Variants in SLC24A2 observed in about 807,000 individuals in gnomAD.
SLC24A2 encodes solute carrier family 24 member 2, also known as sodium/potassium/calcium exchanger 2.
In SLC24A2, 36 loss-of-function variants were observed where a neutral mutation model predicts 62.0. That is an observed-to-expected ratio of 0.58 (90% confidence interval 0.44 to 0.77). SLC24A2 has a LOEUF of 0.77. Ranked by LOEUF, SLC24A2 falls within the 30% of genes least tolerant of loss-of-function variation. The pLI, the probability that SLC24A2 is intolerant of heterozygous loss-of-function variation, is 0.00. For missense variants in SLC24A2, 846 were observed against 817.9 expected, an observed-to-expected ratio of 1.03 and a Z score of -0.42; for synonymous variants, 358 against 294.0, an observed-to-expected ratio of 1.22 and a Z score of -2.23.
chr9:19,957,323 C>A, the SLC24A2 span: 1 of 152,098 alleles, frequency 6.6e-6, no homozygotes. Context: ...AAAGGAGTAG[C>A]GAGCAAAACA....
At chr9:20,188,307 T>G in the SLC24A2 span, among the ~76,000 whole-genome samples, 3 of 152,158 alleles carry the variant, frequency 2.0e-5, no homozygotes, top group African/African-American at 7.2e-5. Context: ...TTAGCTCACT[T>G]TCTGAGGAGT....
the SLC24A2 span, among the ~76,000 whole-genome samples, chr9:19,833,882 C>T: frequency 6.6e-6 from 1 of 152,202 alleles, no homozygotes; most frequent in African/African-American, 2.4e-5. Context: ...ACAAAACTTC[C>T]AGAGGAACAA....
chr9:20,222,537 T>C, the SLC24A2 span, among the ~76,000 whole-genome samples: 2 of 152,040 alleles, frequency 1.3e-5, no homozygotes, highest in African/African-American at 4.8e-5. Context: ...ATCACATTGA[T>C]TCAAAACTAG....
In SLC24A2 at chr9:19,508,084, T is replaced by C. The variant is rs1832569598; in HGVS notation, c.*8069A>G. The C allele has an allele frequency of 6.6e-6, 1 of 152,256 alleles. No individual in the cohort carries two copies. The highest frequency in any genetic ancestry group is 2.4e-5 in the African/African-American group (1 of 41,476). 9.4% of individuals were successfully genotyped at this position (152,256 alleles called of 1,614,324 possible). A position where few individuals can be genotyped will look rare whatever the true frequency, so the allele number is the denominator to read the frequency against. ...TTCACTGAATCAGGAAGGTAGCTTT[T>C]GCTATTCTTAGCTTTGATGGCTTTT... On this transcript the variant is annotated 3_prime_UTR_variant, in exon 11 of 11. Transcript: ENST00000341998.
intron 2 of SLC24A2, among the ~76,000 whole-genome samples, chr9:19,764,798 T>C (rs1446088718): frequency 6.6e-6 from 1 of 152,342 alleles, no homozygotes; most frequent in South Asian, 2.1e-4. Context: ...GAGAGTTCTG[T>C]AGATGTCTAT....
At chr9:20,282,759 T>C in the SLC24A2 span, among the ~76,000 whole-genome samples, 1 of 152,246 alleles carries the variant, frequency 6.6e-6, no homozygotes, top group East Asian at 1.9e-4. Flanking sequence ...TATATACTCT[T>C]GAACTTTATC....
chr9:20,152,506 A>G, the SLC24A2 span, among the ~76,000 whole-genome samples: 6 of 151,908 alleles, frequency 3.9e-5, no homozygotes, highest in Non-Finnish European at 8.8e-5. Context: ...AAAGCAAAGA[A>G]ATAAAGTAAA....
At chr9:19,842,864 G>A in the SLC24A2 span, among the ~76,000 whole-genome samples, 1 of 152,068 alleles carries the variant, frequency 6.6e-6, no homozygotes, top group Non-Finnish European at 1.5e-5. Flanking sequence ...AAGCTCCCAA[G>A]TTCCTGGGGA....
intron 2 of SLC24A2, among the ~76,000 whole-genome samples, chr9:19,652,473 G>A (rs1818829622): frequency 6.6e-6 from 1 of 152,136 alleles, no homozygotes; most frequent in Non-Finnish European, 1.5e-5. Flanking sequence ...GAAAAAGGAG[G>A]TGTGACCATG....
the SLC24A2 span, among the ~76,000 whole-genome samples, chr9:20,237,048 C>T: frequency 8.6e-5 from 13 of 152,016 alleles, no homozygotes; most frequent in South Asian, 4.2e-4. Context: ...GAGCCTGAAT[C>T]GCAAACACCA....
At chr9:19,843,004 C>A in the SLC24A2 span, among the ~76,000 whole-genome samples, 17,493 of 152,120 alleles carry the variant, frequency 0.11, 1,627 homozygotes, top group East Asian at 0.36. Flanking sequence ...CATTTGAAGC[C>A]AGAACTGTGT....
chr9:20,056,146 T>C, the SLC24A2 span, among the ~76,000 whole-genome samples: 729 of 152,332 alleles, frequency 4.8e-3, 4 homozygotes, highest in African/African-American at 0.017. Flanking sequence ...AATGAGCTTA[T>C]ATATTTAGCA....
chr9:20,132,337 A>G, the SLC24A2 span, among the ~76,000 whole-genome samples: 1 of 152,276 alleles, frequency 6.6e-6, no homozygotes, highest in Admixed American at 6.5e-5. Flanking sequence ...GTTAGATGAT[A>G]GAGACAAGAG....
chr9:19,901,734 A>G, the SLC24A2 span, among the ~76,000 whole-genome samples: 1 of 152,310 alleles, frequency 6.6e-6, no homozygotes, highest in Admixed American at 6.5e-5. Flanking sequence ...TCAAGTGTGC[A>G]GACTCTCTAA....
the SLC24A2 span, among the ~76,000 whole-genome samples, chr9:19,845,031 C>T: frequency 6.6e-6 from 1 of 150,504 alleles, no homozygotes; most frequent in Admixed American, 6.6e-5. Context: ...TTTAGAATAG[C>T]GTTTTTTAAT....
At chr9:20,006,751 G>C in the SLC24A2 span, among the ~76,000 whole-genome samples, 2 of 152,124 alleles carry the variant, frequency 1.3e-5, no homozygotes, top group African/African-American at 4.8e-5. Flanking sequence ...TGAAATTTTA[G>C]GGGCAGTCTA....
At chr9:20,075,397 G>A in the SLC24A2 span, among the ~76,000 whole-genome samples, 1 of 152,176 alleles carries the variant, frequency 6.6e-6, no homozygotes, top group Admixed American at 6.5e-5. Flanking sequence ...TAGCAGCAAA[G>A]TTCAAATGTG....
chr9:20,107,709 G>A, the SLC24A2 span, among the ~76,000 whole-genome samples: 1 of 152,140 alleles, frequency 6.6e-6, no homozygotes. Context: ...TTGGATTAAA[G>A]ACTTAAATGT....
chr9:20,052,335 T>A, the SLC24A2 span, among the ~76,000 whole-genome samples: 1 of 152,170 alleles, frequency 6.6e-6, no homozygotes, highest in Non-Finnish European at 1.5e-5. Context: ...GCAAAGACAT[T>A]CTCTGTCATC....
Sources: gnomAD v4.1 joint callset for allele counts (sites outside exome capture counted in the v4.1 genomes callset) on GRCh38, gnomAD v4.1.1 for gene constraint, MANE v1.5 for transcripts, NCBI Gene and HGNC (gene_info 2026-07-23, HGNC 2026-07-21) for gene names.